The following OCA2 variants were observed in gnomAD, a reference collection of about 807,000 sequenced individuals.
OCA2 encodes the protein OCA2 melanosomal transmembrane protein.
In OCA2, 77 loss-of-function variants were observed where a neutral mutation model predicts 100.2. The observed-to-expected ratio is 0.77, with a 90% CI of 0.64 to 0.93. The LOEUF (loss-of-function observed/expected upper bound fraction) is 0.93, where lower values mean the gene tolerates loss of function less well. Ranked by LOEUF, OCA2 falls within the 40% of genes least tolerant of loss-of-function variation. OCA2 has a pLI of 0.00. For missense variants in OCA2, 1,062 were observed against 1,089.1 expected, an observed-to-expected ratio of 0.98 and a Z score of 0.35; for synonymous variants, 432 against 439.2, an observed-to-expected ratio of 0.98 and a Z score of 0.21.
chr15:27,744,055 G>C, the OCA2 span, among the ~76,000 whole-genome samples: 1 of 152,084 alleles, frequency 6.6e-6, no homozygotes, highest in Non-Finnish European at 1.5e-5. Flanking sequence ...AGGTCAGTTC[G>C]GGCAGTGCCC....
chr15:28,077,357 C>T (rs2044466209), intron 2 of OCA2, among the ~76,000 whole-genome samples: 1 of 152,150 alleles, frequency 6.6e-6, no homozygotes, highest in Non-Finnish European at 1.5e-5. Context: ...CCGCACCCAG[C>T]CCTGTGCTTA....
chr15:27,726,718 G>T, the OCA2 span, among the ~76,000 whole-genome samples: 1 of 152,306 alleles, frequency 6.6e-6, no homozygotes, highest in Non-Finnish European at 1.5e-5. Flanking sequence ...AAACCTGCAC[G>T]TTGTGCACAT....
At chr15:28,054,009 T>C (rs940689352) in intron 2 of OCA2, among the ~76,000 whole-genome samples, 1 of 152,114 alleles carries the variant, frequency 6.6e-6, no homozygotes, top group Non-Finnish European at 1.5e-5. Flanking sequence ...TGGGTGTGTG[T>C]TTGTAAATGT....
chr15:27,803,801 A>C (rs2033712454), intron 23 of OCA2, among the ~76,000 whole-genome samples: 3 of 152,254 alleles, frequency 2.0e-5, no homozygotes, highest in Admixed American at 2.0e-4. Context: ...CACTATAATG[A>C]GTACAACAAA....
At chr15:27,779,874 T>C (rs1319532616) in intron 23 of OCA2, among the ~76,000 whole-genome samples, 1 of 152,214 alleles carries the variant, frequency 6.6e-6, no homozygotes, top group Non-Finnish European at 1.5e-5. Context: ...GCCTTGTGTT[T>C]CCTTGTGCTT....
Position 27,844,996 on chromosome 15 carries a change from G to T in OCA2, c.2395C>A (p.Gln799Lys), listed in dbSNP as rs781471173. ...ATGAAGGAGAACCCATATCCATGCTGTTCTGCAATCCCTGCACACACGACG... is the reference window on the plus strand; with the variant it reads ...ATGAAGGAGAACCCATATCCATGCTTTTCTGCAATCCCTGCACACACGACG... ...ANVVCAGIAEQHGYGFSFMEF... is the reference protein window; with the variant it reads ...ANVVCAGIAEKHGYGFSFMEF... The change falls in exon 23 of 24, where the codon CAG becomes AAG. Residue 799 changes from glutamine to lysine, a missense_variant. Physicochemically the swap from Gln to Lys is moderately conservative, Grantham distance 53 (BLOSUM62 1). Transcript: ENST00000354638. 1 of 1,613,910 alleles carries T rather than the reference G, an allele frequency of 6.2e-7. No individual in the cohort carries two copies. The highest frequency in any genetic ancestry group is 8.5e-7 in the Non-Finnish European group (1 of 1,179,898).
At chr15:28,040,543 A>T (rs951476774) in intron 2 of OCA2, among the ~76,000 whole-genome samples, 9 of 152,188 alleles carry the variant, frequency 5.9e-5, no homozygotes, top group Non-Finnish European at 1.2e-4. Flanking sequence ...AAAGAAAATT[A>T]ATGAGACCAA....
intron 18 of OCA2, among the ~76,000 whole-genome samples, chr15:27,938,732 T>G (rs1216344395): frequency 6.6e-6 from 1 of 152,136 alleles, no homozygotes; most frequent in Non-Finnish European, 1.5e-5. Flanking sequence ...GCCAGCTCAT[T>G]CACATTCTAA....
At chr15:28,080,216 G>A (rs1293534504) in intron 2 of OCA2, among the ~76,000 whole-genome samples, 2 of 152,200 alleles carry the variant, frequency 1.3e-5, no homozygotes, top group South Asian at 2.1e-4. Flanking sequence ...CTCGCTGGGA[G>A]AAGATCCTGC....
At chr15:27,839,913 A>G (rs913846966) in intron 23 of OCA2, among the ~76,000 whole-genome samples, 1 of 152,188 alleles carries the variant, frequency 6.6e-6, no homozygotes, top group African/African-American at 2.4e-5. Context: ...CAAAATAGAA[A>G]TTAATAAAAT....
intron 3 of OCA2, among the ~76,000 whole-genome samples, chr15:28,030,685 C>T (rs141981882): frequency 5.9e-5 from 9 of 152,244 alleles, no homozygotes; most frequent in East Asian, 1.9e-4. Context: ...GGCAGCTCCT[C>T]GGAAGCTCAG....
downstream of OCA2, among the ~76,000 whole-genome samples, chr15:27,754,010 C>T (rs549864272): frequency 1.2e-4 from 19 of 152,028 alleles, no homozygotes; most frequent in Middle Eastern, 3.4e-3. Context: ...TATCCAGGTC[C>T]AGTGAGACCA....
chr15:27,793,737 G>A (rs963054460), intron 23 of OCA2, among the ~76,000 whole-genome samples: 4 of 152,358 alleles, frequency 2.6e-5, no homozygotes, highest in African/African-American at 9.6e-5. Context: ...GGACCATTCT[G>A]CGGTGTGCAA....
intron 1 of OCA2, among the ~76,000 whole-genome samples, chr15:28,091,758 C>A (rs2044873442): frequency 6.6e-6 from 1 of 152,104 alleles, no homozygotes; most frequent in East Asian, 1.9e-4. Context: ...GAGTTTGAGA[C>A]CAGCCTGGCC....
At chr15:28,070,128 G>GCCGCC (rs1362989848) in intron 2 of OCA2, among the ~76,000 whole-genome samples, 1 of 116,434 alleles carries the variant, frequency 8.6e-6, no homozygotes, top group Non-Finnish European at 1.6e-5. Context: ...TCTCTGCCCG[G>GCCGCC]CCGCCCCGTC....
At chr15:27,734,620 G>A in the OCA2 span, among the ~76,000 whole-genome samples, 1 of 152,218 alleles carries the variant, frequency 6.6e-6, no homozygotes, top group African/African-American at 2.4e-5. Flanking sequence ...CTGTGAGGCA[G>A]GCTCGACCTC....
chr15:28,091,509 A>G (rs906960695), intron 1 of OCA2, among the ~76,000 whole-genome samples: 1 of 152,234 alleles, frequency 6.6e-6, no homozygotes, highest in African/African-American at 2.4e-5. Context: ...GGCTGGTTCA[A>G]TGTTCAAAAA....
rs192399745 is a variant in OCA2, at chr15:27,841,675, T to C, written c.2432+3284A>G. On this transcript the variant is annotated intron_variant, in intron 23 of 23. Transcript: ENST00000354638. The stretch of plus-strand genomic sequence containing the variant: ...CACAACATATATATCAGAACTGATT[T>C]CTGTAGATGCAAGAGAGCTTCTGAA... Among the ~76,000 whole-genome samples the C allele has an allele frequency of 2.4e-4, 36 of 152,356 alleles. No homozygotes were observed. In the South Asian group the frequency reaches 2.9e-3, roughly 12 times the overall value.
chr15:27,916,045 C>T (rs532649217), intron 19 of OCA2, among the ~76,000 whole-genome samples: 2 of 152,272 alleles, frequency 1.3e-5, no homozygotes, highest in Non-Finnish European at 2.9e-5. Flanking sequence ...TTTGCAGCAA[C>T]ATGGATGCAG....
Sources: gnomAD v4.1 joint callset for allele counts (sites outside exome capture counted in the v4.1 genomes callset) on GRCh38, gnomAD v4.1.1 for gene constraint, MANE v1.5 for transcripts, NCBI Gene and HGNC (gene_info 2026-07-23, HGNC 2026-07-21) for gene names.